CC2D2A: variants seen among roughly 807,000 people sequenced by gnomAD.
CC2D2A encodes coiled-coil and C2 domain-containing protein 2A.
A neutral mutation model predicts 212.9 loss-of-function variants in CC2D2A; 155 were observed. The ratio of observed to expected loss-of-function variants is 0.73; its 90% confidence interval spans 0.64 to 0.83. The LOEUF (loss-of-function observed/expected upper bound fraction) is 0.83. Ranked by LOEUF, CC2D2A falls within the 40% of genes least tolerant of loss-of-function variation. The probability of loss-of-function intolerance (pLI) is 0.00; values close to 1 mark genes in which losing one functional copy is unlikely to be tolerated. For synonymous variants in CC2D2A, 667 were observed against 686.5 expected, an observed-to-expected ratio of 0.97 and a Z score of 0.44; for missense variants, 1,856 against 1,956.2, an observed-to-expected ratio of 0.95 and a Z score of 0.97.
intron 20 of CC2D2A, 134 bp downstream of exon 20, chr4:15,555,344 GTGCTTCT>G: frequency 8.7e-7 from 1 of 1,145,064 alleles, no homozygotes. Context: ...AATTCCAGCT[GTGCTTCT>G]TGCCTGGCTA....
chr4:15,567,806 T>A lies in CC2D2A; in HGVS notation c.3398+20T>A. On this transcript the variant is annotated intron_variant, in intron 26 of 36. Transcript: ENST00000424120. ...ATTTAGGTAAGCATATTTTCCTCTT[T>A]AAAGAACTATAGGACATTTTGAAGA... The A allele has an allele frequency of 6.7e-7, 1 of 1,489,340 alleles. No individual in the cohort carries two copies. The highest frequency in any genetic ancestry group is 2.3e-5 in the East Asian group (1 of 43,368). The allele number at this position is 1,489,340 out of a possible 1,614,324, so 92.3% of individuals were successfully genotyped here. A position where few individuals can be genotyped will look rare whatever the true frequency, so the allele number is the denominator to read the frequency against.
intron 6 of CC2D2A, among the ~76,000 whole-genome samples, chr4:15,508,073 A>G (rs1445187652): frequency 6.6e-6 from 1 of 152,164 alleles, no homozygotes; most frequent in Non-Finnish European, 1.5e-5. Flanking sequence ...TCAAAGCACC[A>G]TATTTTGGGC....
At chr4:15,560,936 T>C (rs1222531167) in intron 23 of CC2D2A, among the ~76,000 whole-genome samples, 1 of 152,204 alleles carries the variant, frequency 6.6e-6, no homozygotes, top group East Asian at 1.9e-4. Context: ...ATTTCCCTCC[T>C]GCAAGTACTT....
intron 5 of CC2D2A, 133 bp from the exon 6 acceptor site, chr4:15,502,689 C>T (rs1716028271): frequency 9.8e-7 from 1 of 1,020,630 alleles, no homozygotes; most frequent in Non-Finnish European, 1.4e-6. Context: ...AATTATGCTT[C>T]AGAATTTAAT....
chr4:15,524,941 G>A (rs867466704), intron 11 of CC2D2A, among the ~76,000 whole-genome samples: 18 of 152,156 alleles, frequency 1.2e-4, no homozygotes, highest in African/African-American at 3.1e-4. Flanking sequence ...GTTTATGATA[G>A]TCATCAATAA....
Position 15,510,286 on chromosome 4 carries a change from T to C in CC2D2A, c.540+46T>C, listed in dbSNP as rs547734586. 6 of 1,536,878 alleles carry C rather than the reference T, an allele frequency of 3.9e-6. No individual in the cohort carries two copies. In the Admixed American group the frequency reaches 6.9e-5, roughly 18 times the overall value. On this transcript the variant is annotated intron_variant, in intron 7 of 36. Transcript: ENST00000424120. ...AAATCATTTGTTTGTTTGTGTTTTT[T>C]ACAAATATCCAATGACACATGACTA...
intron 4 of CC2D2A, among the ~76,000 whole-genome samples, chr4:15,485,118 G>A (rs1714922473): frequency 1.3e-5 from 2 of 152,128 alleles, no homozygotes; most frequent in African/African-American, 2.4e-5. Flanking sequence ...ACTGCCATGG[G>A]CATAACAACA....
chr4:15,583,367 C>T (rs1720729497), intron 30 of CC2D2A, among the ~76,000 whole-genome samples: 1 of 152,126 alleles, frequency 6.6e-6, no homozygotes, highest in Non-Finnish European at 1.5e-5. Flanking sequence ...AAATAAAGGG[C>T]ATCCAGATTT....
chr4:15,598,991 C>G (rs1435856116), intron 35 of CC2D2A, among the ~76,000 whole-genome samples: 2 of 151,986 alleles, frequency 1.3e-5, no homozygotes, highest in African/African-American at 4.8e-5. Context: ...AAGACCTTGT[C>G]TCTATAAAAA....
intron 17 of CC2D2A, among the ~76,000 whole-genome samples, chr4:15,543,112 G>A (rs554299566): frequency 6.6e-6 from 1 of 152,146 alleles, no homozygotes; most frequent in Non-Finnish European, 1.5e-5. Context: ...TGTGATCTGG[G>A]GGGTGGGTGA....
At chr4:15,527,953 G>A (rs536834558) in intron 12 of CC2D2A, among the ~76,000 whole-genome samples, 6 of 152,324 alleles carry the variant, frequency 3.9e-5, no homozygotes, top group East Asian at 1.9e-4. Flanking sequence ...ACTTGCTTCC[G>A]TGATCTCAGA....
intron 12 of CC2D2A, among the ~76,000 whole-genome samples, chr4:15,528,236 CTG>C (rs1267244274): frequency 1.3e-5 from 2 of 152,184 alleles, no homozygotes; most frequent in African/African-American, 4.8e-5. Flanking sequence ...TTTTACGAGT[CTG>C]TAATTTTATA....
chr4:15,582,840 T>C (rs997289701), intron 30 of CC2D2A, among the ~76,000 whole-genome samples: 3 of 152,174 alleles, frequency 2.0e-5, no homozygotes, highest in East Asian at 3.8e-4. Flanking sequence ...GTTAAAGTCA[T>C]TTTATGGGCC....
intron 17 of CC2D2A, among the ~76,000 whole-genome samples, chr4:15,545,511 G>A (rs74784019): frequency 0.022 from 3,308 of 152,216 alleles, 130 homozygotes; most frequent in African/African-American, 0.075. Flanking sequence ...ACTCACTGGT[G>A]CATAGATGTT....
At position 15,561,418 on chromosome 4, in the gene CC2D2A, G is replaced by T. The variant is rs1021928459; in HGVS notation, c.3014+796G>T. On this transcript the variant is annotated intron_variant, in intron 23 of 36. Coordinates refer to ENST00000424120, the MANE Select transcript of CC2D2A (RefSeq NM_001378615.1). ...GCCCCTTTCCACATATAGAAAGGAG[G>T]CTACACCCACATAAATCCATGCAAA... Among the ~76,000 whole-genome samples the T allele has an allele frequency of 2.0e-5, 3 of 152,218 alleles. No homozygotes were observed. In the East Asian group the frequency reaches 5.8e-4, roughly 29 times the overall value.
Position 15,511,317 on chromosome 4 carries a change from A to G in CC2D2A, c.611A>G (p.Glu204Gly). The G allele has an allele frequency of 6.2e-7, 1 of 1,602,380 alleles. No individual in the cohort carries two copies. The highest frequency in any genetic ancestry group is 8.5e-7 in the Non-Finnish European group (1 of 1,175,672). ...ACTTTCAACTTTGATCCCGAACCAG[A>G]AGGATCAGAGGAAAAACCAAAAGCA... ...FFTFNFDPEP[E>G]GSEEKPKARH... Residue 204 changes from glutamate (E) to glycine (G), a missense_variant, in exon 8 of 37, where the codon GAA (glutamate) becomes GGA (glycine). Glu to Gly is a moderately conservative substitution (Grantham distance 98, BLOSUM62 -2). This residue lies in a region of CC2D2A where 1,512 missense variants were observed against 1,579.3 expected (regional missense o/e 0.96). Transcript: ENST00000424120.
chr4:15,514,598 A>T, intron 8 of CC2D2A, 109 bp from the exon 9 acceptor site: 1 of 833,526 alleles, frequency 1.2e-6, no homozygotes, highest in Non-Finnish European at 1.7e-6. Flanking sequence ...AAAAAGGAAA[A>T]GATAAAGTTG....
intron 8 of CC2D2A, among the ~76,000 whole-genome samples, chr4:15,513,711 C>T (rs373798924): frequency 1.1e-4 from 16 of 152,220 alleles, no homozygotes; most frequent in African/African-American, 3.9e-4. Context: ...GGTGATTTTG[C>T]TCACCACGAA....
At chr4:15,527,723 A>C in intron 12 of CC2D2A, 67 bp downstream of exon 12, 1 of 1,258,906 alleles carries the variant, frequency 7.9e-7, no homozygotes, top group South Asian at 1.4e-5. Flanking sequence ...CAAACAATGA[A>C]AATTTCTAAC....
Sources: gnomAD v4.1 joint callset for allele counts (sites outside exome capture counted in the v4.1 genomes callset) on GRCh38, gnomAD v4.1.1 for gene constraint, gnomAD v4.1.1 regional missense constraint, MANE v1.5 for transcripts, NCBI Gene and HGNC (gene_info 2026-07-23, HGNC 2026-07-21) for gene names.